The following ZBTB26 variants were observed in gnomAD, a reference collection of about 807,000 sequenced individuals.
ZBTB26 encodes zinc finger and BTB domain-containing protein 26.
Under a neutral mutation model 31.6 loss-of-function variants are expected in ZBTB26, and 12 were observed. The observed-to-expected ratio is 0.38, with a 90% CI of 0.24 to 0.61. ZBTB26 has a LOEUF of 0.61. Ranked by LOEUF, ZBTB26 falls within the 20% of genes least tolerant of loss-of-function variation. The pLI is 0.60. For synonymous variants in ZBTB26, 155 were observed against 182.9 expected (o/e 0.85, Z 1.23); for missense variants, 311 against 521.9 (o/e 0.60, Z 3.94).
intron 1 of ZBTB26, among the ~76,000 whole-genome samples, chr9:122,920,147 C>G (rs929296839): frequency 6.6e-6 from 1 of 152,164 alleles, no homozygotes; most frequent in Admixed American, 6.5e-5. Context: ...GTGCCAATTG[C>G]ACCTAAAGAG....
At chr9:122,927,998 A>G (rs1460665431) in intron 1 of ZBTB26, among the ~76,000 whole-genome samples, 1 of 151,796 alleles carries the variant, frequency 6.6e-6, no homozygotes, top group Non-Finnish European at 1.5e-5. Flanking sequence ...CCAAGCCCGG[A>G]TAATTTTTGC....
At chr9:122,923,120 G>A (rs1833126912) in intron 1 of ZBTB26, among the ~76,000 whole-genome samples, 1 of 146,952 alleles carries the variant, frequency 6.8e-6, no homozygotes, top group Admixed American at 7.0e-5. Flanking sequence ...GGAGGTGGAG[G>A]TTGCAGTGAG....
At chr9:122,923,746 A>G in intron 1 of ZBTB26, among the ~76,000 whole-genome samples, 1 of 152,206 alleles carries the variant, frequency 6.6e-6, no homozygotes, top group East Asian at 1.9e-4. Context: ...GCTTTAGACA[A>G]CTATCCTCAG....
At chr9:122,922,918 C>T (rs944826011) in intron 1 of ZBTB26, among the ~76,000 whole-genome samples, 2 of 152,126 alleles carry the variant, frequency 1.3e-5, no homozygotes, top group Non-Finnish European at 2.9e-5. Context: ...CGGCCAGGCA[C>T]AGTGGCTCAC....
At chr9:122,930,524 C>G (rs1018982932) in intron 1 of ZBTB26, among the ~76,000 whole-genome samples, 1 of 152,248 alleles carries the variant, frequency 6.6e-6, no homozygotes, top group African/African-American at 2.4e-5. Context: ...AAAGTCCCTT[C>G]TCTATGGGCT....
chr9:122,931,046 G>A (rs1013117656), intron 1 of ZBTB26: 6 of 152,384 alleles, frequency 3.9e-5, no homozygotes, highest in Middle Eastern at 3.4e-3. Flanking sequence ...CCCAGCAAAA[G>A]GGTAACCTAG....
Position 122,918,727 on chromosome 9 carries a change from G to C in ZBTB26, c.1208C>G (p.Thr403Arg). ...ACACCCTTTAGAGTCTGTGACTGTTGTACATGCAAAAGAATCAAAATCCAC... is the reference window on the plus strand; with the variant it reads ...ACACCCTTTAGAGTCTGTGACTGTTCTACATGCAAAAGAATCAAAATCCAC... ...LTVDFDSFAC[T>R]TVTDSKGCQP... Residue 403 changes from threonine to arginine, a missense_variant, in exon 2 of 2, where the codon ACA (threonine) becomes AGA (arginine). Thr to Arg is a moderately conservative substitution (Grantham distance 71). Around this residue, in one of 5 missense-constraint regions of ZBTB26, gnomAD observed 49 missense variants for 66.0 expected, o/e 0.74. Transcript: ENST00000373656. 1 of 1,614,146 alleles carries C rather than the reference G, an allele frequency of 6.2e-7. No homozygotes were observed.
rs755567348 is a variant in ZBTB26, at chr9:122,919,367, C to T, written c.568G>A (p.Asp190Asn). Residue 190 changes from aspartate to asparagine, a missense_variant, in exon 2 of 2, where the codon GAT (aspartate) becomes AAT (asparagine). By Grantham distance (23) the Asp-to-Asn change is conservative (BLOSUM62 1). This residue lies in a region of ZBTB26 where 207 missense variants were observed against 298.6 expected (regional missense o/e 0.69). Coordinates refer to ENST00000373656, the MANE Select transcript of ZBTB26 (RefSeq NM_020924.4). This position sits in a 1 kb window ranked among gnomAD's most constrained non-coding sequence, Gnocchi z 6.1. ...TTTTTACTTCTAACCTCTGATACAT[C>T]CCCAATAGATTCTACCTTAACAATC... ...IQIVKVESIG[D>N]VSEVRSKKDQ... is the part of the protein sequence containing the mutation. 9 of 1,614,070 alleles carry T rather than the reference C, an allele frequency of 5.6e-6. No homozygotes were observed. The African/African-American group carries it at 1.2e-4, about 22-fold the overall frequency.
At chr9:122,931,035 C>A (rs571288415) in intron 1 of ZBTB26, 4 of 152,230 alleles carry the variant, frequency 2.6e-5, no homozygotes, top group African/African-American at 9.6e-5. Flanking sequence ...TAGGGGAAAA[C>A]CCCAGCAAAA....
At chr9:122,924,981 A>G (rs1183323869) in intron 1 of ZBTB26, among the ~76,000 whole-genome samples, 1 of 152,186 alleles carries the variant, frequency 6.6e-6, no homozygotes, top group South Asian at 2.1e-4. Flanking sequence ...TTGATAGTTA[A>G]AAAAAGTTTC....
At chr9:122,926,299 G>A (rs1240437879) in intron 1 of ZBTB26, among the ~76,000 whole-genome samples, 1 of 151,990 alleles carries the variant, frequency 6.6e-6, no homozygotes, top group Admixed American at 6.5e-5. Flanking sequence ...CAGATCATGA[G>A]GTCAGGAGAT....
Position 122,922,463 on chromosome 9 carries a change from A to G in ZBTB26, c.-10-2519T>C, listed in dbSNP as rs16912354. On this transcript the variant is annotated intron_variant, in intron 1 of 1. Transcript: ENST00000373656. ...TATTAGGGGGAAGTATCTCCATCTA[A>G]TGCTGGGAACTTGCATCTTCTAAGA... is the stretch of plus-strand genomic sequence containing the variant. Among the ~76,000 whole-genome samples the G allele has an allele frequency of 9.5e-3, 1,452 of 152,288 alleles. 27 individuals are homozygous for G. The highest frequency in any genetic ancestry group is 0.033 in the African/African-American group (1,382 of 41,574).
Position 122,915,898 on chromosome 9 carries a change from G to A in ZBTB26, c.*2711C>T, listed in dbSNP as rs1833012166. 6.6e-6 allele frequency: 1 copy of A among 151,928 alleles called. No homozygotes were observed. Among genetic ancestry groups the A allele is most frequent in the African/African-American group, 2.4e-5 (1 of 41,338 alleles). 9.4% of individuals were successfully genotyped at this position (151,928 alleles called of 1,614,324 possible). On this transcript the variant is annotated 3_prime_UTR_variant, in exon 2 of 2. Transcript: ENST00000373656. ...GAGTCATCTCCTTTTTAGTTCTCCT[G>A]GGGATCCATAAAATACAAATGCTGA...
chr9:122,921,529 T>C (rs1833099181), intron 1 of ZBTB26, among the ~76,000 whole-genome samples: 1 of 152,248 alleles, frequency 6.6e-6, no homozygotes, highest in African/African-American at 2.4e-5. Flanking sequence ...ACAATGGATA[T>C]CAGCTCCTGA....
intron 1 of ZBTB26, 136 bp from the exon 2 acceptor site, chr9:122,920,080 G>A: frequency 9.3e-7 from 1 of 1,071,548 alleles, no homozygotes. Flanking sequence ...CCTTGAAAGG[G>A]GAAGCCACTA....
chr9:122,928,478 C>CT (rs1332641689), intron 1 of ZBTB26, among the ~76,000 whole-genome samples: 5 of 151,702 alleles, frequency 3.3e-5, no homozygotes, highest in Admixed American at 6.6e-5. Flanking sequence ...CGGCCTAGTT[C>CT]TTTTTTTTGA....
chr9:122,926,506 CAAA>C (rs1022523849), intron 1 of ZBTB26, among the ~76,000 whole-genome samples: 9 of 62,124 alleles, frequency 1.4e-4, no homozygotes, highest in African/African-American at 1.8e-4. Flanking sequence ...GACTCCGTCT[CAAA>C]AAAAAAAAAA....
chr9:122,919,178 C>T lies in ZBTB26; in HGVS notation c.757G>A (p.Ala253Thr), dbSNP rs1833058763. Residue 253 changes from alanine (A) to threonine (T), a missense_variant, in exon 2 of 2, where the codon GCC becomes ACC. Ala to Thr is a moderately conservative substitution (Grantham distance 58). This residue lies in a region of ZBTB26 where 207 missense variants were observed against 298.6 expected (regional missense o/e 0.69). Coordinates refer to ENST00000373656, the MANE Select transcript of ZBTB26 (RefSeq NM_020924.4). The surrounding 1 kb of genome is among the most constrained non-coding windows in gnomAD (Gnocchi z 6.1). ...SYTGSDNIIM[A>T]SKDVFGPNIR... ...TTAGGGCCAAAGACATCTTTTGAGG[C>T]CATGATGATGTTATCACTGCCTGTA... is the stretch of plus-strand genomic sequence containing the variant. 1 of 1,614,136 alleles carries T rather than the reference C, an allele frequency of 6.2e-7. No individual in the cohort carries two copies.
At chr9:122,922,895 G>A (rs1377643361) in intron 1 of ZBTB26, among the ~76,000 whole-genome samples, 1 of 152,126 alleles carries the variant, frequency 6.6e-6, no homozygotes, top group East Asian at 1.9e-4. Flanking sequence ...GAATGGCATT[G>A]AAAGAAGGTG....
Sources: gnomAD v4.1 joint callset for allele counts (sites outside exome capture counted in the v4.1 genomes callset) on GRCh38, gnomAD v4.1.1 for gene constraint, gnomAD v4.1.1 regional missense constraint, Gnocchi (gnomAD v3.1) non-coding constraint, MANE v1.5 for transcripts, NCBI Gene and HGNC (gene_info 2026-07-23, HGNC 2026-07-21) for gene names.